C11orf52: variants seen among roughly 807,000 people sequenced by gnomAD.
The protein encoded by C11orf52 is uncharacterized protein C11orf52.
A neutral mutation model predicts 11.7 loss-of-function variants in C11orf52; 9 were observed. The ratio of observed to expected loss-of-function variants is 0.77; its 90% CI spans 0.46 to 1.34. The LOEUF is 1.34. C11orf52 is among the 40% of genes most tolerant of loss of function. C11orf52 has a pLI of 0.00. For synonymous variants in C11orf52, 49 were observed against 57.4 expected (o/e 0.85, Z 0.66); for missense variants, 139 against 154.8 (o/e 0.90, Z 0.54).
chr11:111,925,816 A>G lies in C11orf52; in HGVS notation c.132+102A>G, dbSNP rs1592522154. On this transcript the variant is annotated intron_variant, in intron 3 of 3. Coordinates refer to ENST00000278601, the MANE Select transcript of C11orf52 (RefSeq NM_080659.3). ...CAGACACATTTCAGTCACCTGTAGA[A>G]TTTGCTGGCTCTGTCTGTCCTCCTC... 1.9e-6 allele frequency: 3 copies of G among 1,567,484 alleles called. No homozygotes were observed. The East Asian group carries it at 6.9e-5, about 36-fold the overall frequency.
intron 1 of C11orf52, among the ~76,000 whole-genome samples, chr11:111,923,389 G>T (rs782354228): frequency 8.5e-5 from 13 of 152,216 alleles, no homozygotes; most frequent in Non-Finnish European, 1.8e-4. Context: ...TAGTCCTCAT[G>T]ATTTAGAAGT....
chr11:111,920,520 A>G (rs1164022810), intron 1 of C11orf52, among the ~76,000 whole-genome samples: 1 of 151,998 alleles, frequency 6.6e-6, no homozygotes, highest in African/African-American at 2.4e-5. Flanking sequence ...ACTGGGCAAC[A>G]GAGCGAGACT....
chr11:111,919,834 C>T (rs923046106), intron 1 of C11orf52, among the ~76,000 whole-genome samples: 1 of 152,214 alleles, frequency 6.6e-6, no homozygotes, highest in Non-Finnish European at 1.5e-5. Flanking sequence ...TCAGAGGCCA[C>T]CTTTTGAACC....
At chr11:111,921,475 A>G (rs1965697856) in intron 1 of C11orf52, among the ~76,000 whole-genome samples, 1 of 152,256 alleles carries the variant, frequency 6.6e-6, no homozygotes, top group Non-Finnish European at 1.5e-5. Context: ...TTATTAAGTT[A>G]GTAAAAAAGG....
At chr11:111,920,142 C>T (rs1965667550) in intron 1 of C11orf52, among the ~76,000 whole-genome samples, 1 of 151,946 alleles carries the variant, frequency 6.6e-6, no homozygotes, top group Non-Finnish European at 1.5e-5. Flanking sequence ...TTGCAGTGAG[C>T]CGAGATTGCA....
intron 1 of C11orf52, 95 bp from the exon 2 acceptor site, chr11:111,924,231 A>G: frequency 1.6e-6 from 2 of 1,216,028 alleles, no homozygotes; most frequent in Non-Finnish European, 2.4e-6. Context: ...GGGGAAGCTC[A>G]TCAGAATGTT....
intron 1 of C11orf52, 164 bp downstream of exon 1, chr11:111,919,168 G>A (rs1965646259): frequency 1.3e-6 from 1 of 795,328 alleles, no homozygotes; most frequent in Admixed American, 2.5e-5. Flanking sequence ...CTCCTTTCAG[G>A]AGGCCTTAGA....
Sources: allele counts gnomAD v4.1 joint callset (sites outside exome capture counted in the v4.1 genomes callset), GRCh38; gene constraint gnomAD v4.1.1; transcripts MANE v1.5; gene names NCBI Gene and HGNC (gene_info 2026-07-23, HGNC 2026-07-21).